The following SPEG variants were observed in gnomAD, a reference collection of about 807,000 sequenced individuals.
SPEG encodes striated muscle enriched protein kinase.
A neutral mutation model predicts 300.4 loss-of-function variants in SPEG; 114 were observed. The observed-to-expected ratio is 0.38, with a 90% CI of 0.33 to 0.44. SPEG has a LOEUF of 0.44. Ranked by LOEUF, SPEG falls within the 20% of genes least tolerant of loss-of-function variation. The pLI, the probability that SPEG is intolerant of heterozygous loss-of-function variation, is 1.00. For synonymous variants in SPEG, 1,964 were observed against 2,018.9 expected (o/e 0.97, Z 0.73); for missense variants, 4,201 against 4,586.2 (o/e 0.92, Z 2.43).
At chr2:219,474,088 G>T in intron 18 of SPEG, 185 bp downstream of exon 18, 1 of 639,646 alleles carries the variant, frequency 1.6e-6, no homozygotes, top group Non-Finnish European at 2.6e-6. Context: ...ATACTAACAA[G>T]ATTTATTGGC....
Position 219,435,118 on chromosome 2 carries a change from GC to G in SPEG, c.145del (p.Leu49Ter). The G allele has an allele frequency of 6.9e-7, 1 of 1,457,618 alleles. No individual in the cohort carries two copies. Among genetic ancestry groups the G allele is most frequent in the Non-Finnish European group, 9.0e-7 (1 of 1,115,672 alleles). The allele number at this position is 1,457,618 out of a possible 1,614,324, so 90.3% of individuals were successfully genotyped here. ...TGGCCGGGGCGCCAGTCTTCCTGCG[GC>G]CCCTGAAGAACGCGGCGGTGTGCGC... is the stretch of plus-strand genomic sequence containing the variant. Reference protein sequence around the residue: ...AVAGAPVFLRPLKNAAVCAGS... With the variant: ...AVAGAPVFLRXLKNAAVCAGS... On this transcript the variant is annotated frameshift_variant, in exon 1 of 41. Transcript: ENST00000312358. LOFTEE classifies it high-confidence loss of function.
Position 219,493,234 on chromosome 2 carries a change from A to G in SPEG, c.*448A>G. ...GGAGTCAGTGTGGCAAAGCGGGGGC[A>G]GGACACAGATACAGTGGCAGGGGCC... On this transcript the variant is annotated 3_prime_UTR_variant, in exon 41 of 41. Coordinates refer to ENST00000312358, the MANE Select transcript of SPEG (RefSeq NM_005876.5). 2.7e-6 allele frequency: 1 copy of G among 367,410 alleles called. No homozygotes were observed. The highest frequency in any genetic ancestry group is 5.3e-6 in the Non-Finnish European group (1 of 187,276). The allele number at this position is 367,410 out of a possible 1,614,324, so 22.8% of individuals were successfully genotyped here.
chr2:219,489,533 G>T lies in SPEG; in HGVS notation c.8515G>T (p.Gly2839Cys), dbSNP rs765090025. The T allele has an allele frequency of 3.3e-5, 53 of 1,613,150 alleles. No individual in the cohort carries two copies. Among genetic ancestry groups the T allele is most frequent in the Non-Finnish European group, 4.1e-5 (48 of 1,179,864 alleles). ...SQALSSLKAVGPPPQTPPRRH... is the reference protein window; with the variant it reads ...SQALSSLKAVCPPPQTPPRRH... ...GGCCTTGTCCTCGCTCAAGGCTGTG[G>T]GTCCACCACCCCAAACCCCTCCACG... The change falls in exon 36 of 41, where the codon GGT becomes TGT. Residue 2839 changes from glycine to cysteine, a missense_variant. Physicochemically the swap from Gly to Cys is radical, Grantham distance 159. Coordinates refer to ENST00000312358, the MANE Select transcript of SPEG (RefSeq NM_005876.5).
chr2:219,461,312 G>T (rs1690669934), intron 6 of SPEG: 1 of 988,074 alleles, frequency 1.0e-6, no homozygotes, highest in Non-Finnish European at 1.2e-6. Flanking sequence ...TGCCCCTGGG[G>T]TTTGCACGGC....
intron 4 of SPEG, among the ~76,000 whole-genome samples, chr2:219,449,954 C>T (rs896272249): frequency 8.5e-5 from 13 of 152,140 alleles, no homozygotes; most frequent in African/African-American, 3.1e-4. Context: ...CCCCACCCCT[C>T]ATCCTGCACA....
rs764909080 is a variant in SPEG at position 219,469,027 on chromosome 2, G to A, written c.3470G>A (p.Arg1157Gln). 18 of 1,612,484 alleles carry A rather than the reference G, an allele frequency of 1.1e-5. No homozygotes were observed. The highest frequency in any genetic ancestry group is 2.2e-5 in the East Asian group (1 of 44,882). The change falls in exon 12 of 41, where the codon CGG (arginine) becomes CAG (glutamine). Residue 1157 changes from arginine to glutamine, a missense_variant. Arg to Gln is a conservative substitution (Grantham distance 43). Coordinates refer to ENST00000312358, the MANE Select transcript of SPEG (RefSeq NM_005876.5). ...GCCCAGCTGTATGTAGAAGAGCCCCGGACAGCCGCCTCAGGCCCCAGGTAC... is the reference window on the plus strand; with the variant it reads ...GCCCAGCTGTATGTAGAAGAGCCCCAGACAGCCGCCTCAGGCCCCAGGTAC... ...CSAQLYVEEP[R>Q]TAASGPSSKL...
At position 219,458,832 on chromosome 2, in the gene SPEG, G is replaced by C. The variant is rs1462290584; in HGVS notation, c.2441-3050G>C. Among the ~76,000 whole-genome samples, 4 of 152,182 alleles carry C rather than the reference G, an allele frequency of 2.6e-5. No homozygotes were observed. Among genetic ancestry groups the C allele is most frequent in the African/African-American group, 9.7e-5 (4 of 41,430 alleles). On this transcript the variant is annotated intron_variant, in intron 6 of 40. Transcript: ENST00000312358. This position sits in a 1 kb window ranked among gnomAD's most constrained non-coding sequence, Gnocchi z 4.2. ...CATTTCAGAAAATCTAATTCTGCAG[G>C]CTGGAGTAAGGTTGAGGAATCTATA...
intron 31 of SPEG, among the ~76,000 whole-genome samples, chr2:219,486,058 C>T (rs1212814607): frequency 6.6e-6 from 1 of 152,238 alleles, no homozygotes; most frequent in African/African-American, 2.4e-5. Context: ...GGATTGTGCC[C>T]CCTAAGTCTC....
intron 30 of SPEG, 70 bp downstream of exon 30, chr2:219,485,142 G>A (rs2125563969): frequency 6.6e-7 from 1 of 1,513,790 alleles, no homozygotes; most frequent in Non-Finnish European, 8.9e-7. Flanking sequence ...GGCTGTGGGA[G>A]GAGCAGAGGG....
rs1023261994 is a variant in SPEG, at chr2:219,464,390, C to T, written c.2706-43C>T. On this transcript the variant is annotated intron_variant, in intron 8 of 40. Coordinates refer to ENST00000312358, the MANE Select transcript of SPEG (RefSeq NM_005876.5). The surrounding 1 kb of genome is among the most constrained non-coding windows in gnomAD (Gnocchi z 4.5). ...AGCCCCAGTTCCTGTGCACGCACATCAGGCCCCTGGGCCCTGGGACTGAGT... is the reference window on the plus strand; with the variant it reads ...AGCCCCAGTTCCTGTGCACGCACATTAGGCCCCTGGGCCCTGGGACTGAGT... 6.3e-7 allele frequency: 1 copy of T among 1,577,824 alleles called. No individual in the cohort carries two copies. Among genetic ancestry groups the T allele is most frequent in the Admixed American group, 1.7e-5 (1 of 58,368 alleles).
In SPEG at chr2:219,481,874, C is replaced by T. The variant is rs3731906; in HGVS notation, c.5565+194C>T. ...CATTTTGTTGACAAGGAAACAGGCTCTAATCAGTGATGGAGTTGGGGGTAT... is the reference window on the plus strand; with the variant it reads ...CATTTTGTTGACAAGGAAACAGGCTTTAATCAGTGATGGAGTTGGGGGTAT... On this transcript the variant is annotated intron_variant, in intron 28 of 40. Coordinates refer to ENST00000312358, the MANE Select transcript of SPEG (RefSeq NM_005876.5). This position sits in a 1 kb window ranked among gnomAD's most constrained non-coding sequence, Gnocchi z 5.4. 0.53 allele frequency among the ~76,000 whole-genome samples: 80,559 copies of T among 152,162 alleles called. 24,776 individuals carry two copies. Among genetic ancestry groups the T allele is most frequent in the East Asian group, 0.75 (3,897 of 5,174 alleles).
At position 219,468,676 on chromosome 2, in the gene SPEG, G is replaced by A. The variant is rs376615999; in HGVS notation, c.3241G>A (p.Ala1081Thr). Residue 1081 changes from alanine (A) to threonine (T), a missense_variant, in exon 11 of 41, where the codon GCC becomes ACC. This residue lies in a region of SPEG where 1,047 missense variants were observed against 1,356.8 expected (regional missense o/e 0.77). Coordinates refer to ENST00000312358, the MANE Select transcript of SPEG (RefSeq NM_005876.5). ...EDVEVLEGRA[A>T]RFDCKISGTP... ...TGTGGAGGTGTTGGAGGGCCGAGCTGCCCGTTTCGACTGCAAGATCAGTGG... is the reference window on the plus strand; with the variant it reads ...TGTGGAGGTGTTGGAGGGCCGAGCTACCCGTTTCGACTGCAAGATCAGTGG... 8.1e-6 allele frequency: 13 copies of A among 1,614,046 alleles called. No individual in the cohort carries two copies. Among genetic ancestry groups the A allele is most frequent in the Middle Eastern group, 3.3e-4 (2 of 6,082 alleles).
rs978315768 is a variant in SPEG, at chr2:219,482,967, C to T, written c.5634+115C>T. 3 of 1,401,230 alleles carry T rather than the reference C, an allele frequency of 2.1e-6. No homozygotes were observed. In the African/African-American group the frequency reaches 4.3e-5, roughly 20 times the overall value. 86.8% of individuals were successfully genotyped at this position (1,401,230 alleles called of 1,614,324 possible). A position where few individuals can be genotyped will look rare whatever the true frequency, so the allele number is the denominator to read the frequency against. ...CCTGTCTTCTCGCTTTCACTGGCTC[C>T]ATGCCTAGCTTCCTGCCTGTTCCCT... On this transcript the variant is annotated intron_variant, in intron 29 of 40. Transcript: ENST00000312358.
chr2:219,470,181 C>A (rs1233398810), intron 13 of SPEG, among the ~76,000 whole-genome samples: 1 of 152,236 alleles, frequency 6.6e-6, no homozygotes, highest in Non-Finnish European at 1.5e-5. Flanking sequence ...CAAGGACCAT[C>A]TTACCTTGCC....
At chr2:219,456,519 G>T (rs776338933) in intron 6 of SPEG, among the ~76,000 whole-genome samples, 4 of 152,220 alleles carry the variant, frequency 2.6e-5, no homozygotes, top group Non-Finnish European at 5.9e-5. Flanking sequence ...TAGAACGGGG[G>T]CCATCACTCA....
Position 219,491,238 on chromosome 2 carries a change from A to G in SPEG, c.9385+282A>G, listed in dbSNP as rs62191889. 4.6e-3 allele frequency among the ~76,000 whole-genome samples: 706 copies of G among 152,348 alleles called. 2 individuals carry two copies. The highest frequency in any genetic ancestry group is 6.8e-3 in the Middle Eastern group (2 of 294). ...CAGGATTCACTACAGCCAAAAAGAC[A>G]GGAGAATCAATTATTATTTTATTTA... is the stretch of plus-strand genomic sequence containing the variant. On this transcript the variant is annotated intron_variant, in intron 38 of 40. Transcript: ENST00000312358.
At position 219,483,023 on chromosome 2, in the gene SPEG, G is replaced by A. The variant is rs1693002997; in HGVS notation, c.5635-75G>A. The A allele has an allele frequency of 2.0e-6, 3 of 1,504,814 alleles. No homozygotes were observed. In the African/African-American group the frequency reaches 4.1e-5, roughly 21 times the overall value. The allele number at this position is 1,504,814 out of a possible 1,614,324, so 93.2% of individuals were successfully genotyped here. On this transcript the variant is annotated intron_variant, in intron 29 of 40. Coordinates refer to ENST00000312358, the MANE Select transcript of SPEG (RefSeq NM_005876.5). ...TCTGCATGCTCAGGCCTCTTCCCCA[G>A]GGCTGAGGTGGGCCTGGGGGGGACA... is the stretch of plus-strand genomic sequence containing the variant.
chr2:219,479,254 G>A lies in SPEG; in HGVS notation c.5085+53G>A. 6.6e-7 allele frequency: 1 copy of A among 1,512,890 alleles called. No individual in the cohort carries two copies. The highest frequency in any genetic ancestry group is 9.2e-7 in the Non-Finnish European group (1 of 1,092,696). The allele number at this position is 1,512,890 out of a possible 1,614,324, so 93.7% of individuals were successfully genotyped here. On this transcript the variant is annotated intron_variant, in intron 23 of 40. Coordinates refer to ENST00000312358, the MANE Select transcript of SPEG (RefSeq NM_005876.5). This position sits in a 1 kb window ranked among gnomAD's most constrained non-coding sequence, Gnocchi z 5.5. ...GTTGGGCACCAGCCTTCACCCACCT[G>A]AGCTTTGAGAACCAACAAATGGGTC... is the stretch of plus-strand genomic sequence containing the variant.
chr2:219,450,781 G>C (rs1023177259), intron 4 of SPEG: 1 of 175,198 alleles, frequency 5.7e-6, no homozygotes, highest in Non-Finnish European at 1.2e-5. Flanking sequence ...GCCCCTCCAG[G>C]TGCCTTGCAT....
Sources: allele counts gnomAD v4.1 joint callset (sites outside exome capture counted in the v4.1 genomes callset), GRCh38; gene constraint gnomAD v4.1.1; regional missense constraint gnomAD v4.1.1; non-coding constraint Gnocchi (gnomAD v3.1); transcripts MANE v1.5; gene names NCBI Gene and HGNC (gene_info 2026-07-23, HGNC 2026-07-21).